The following MBNL1 variants were observed in gnomAD, a reference collection of about 807,000 sequenced individuals.
The protein encoded by MBNL1 is muscleblind like splicing regulator 1.
Under a neutral mutation model 42.2 loss-of-function variants are expected in MBNL1, and 8 were observed. The observed-to-expected ratio is 0.19, with a 90% CI of 0.11 to 0.34. The LOEUF (loss-of-function observed/expected upper bound fraction) is 0.34. Ranked by LOEUF, MBNL1 falls within the 10% of genes least tolerant of loss-of-function variation. The probability of loss-of-function intolerance (pLI) is 1.00; values close to 1 mark genes in which losing one functional copy is unlikely to be tolerated. For synonymous variants in MBNL1, 169 were observed against 173.9 expected (o/e 0.97, Z 0.22); for missense variants, 309 against 495.3 (o/e 0.62, Z 3.57).
chr3:152,356,719 T>G (rs1400426131), intron 2 of MBNL1, among the ~76,000 whole-genome samples: 1 of 152,116 alleles, frequency 6.6e-6, no homozygotes, highest in East Asian at 1.9e-4. Context: ...CTGCCCAAAG[T>G]GAGACCTCGG....
At chr3:152,387,897 GTAT>G (rs1414993374) in intron 2 of MBNL1, among the ~76,000 whole-genome samples, 5 of 152,138 alleles carry the variant, frequency 3.3e-5, no homozygotes, top group African/African-American at 1.2e-4. Flanking sequence ...GGATGAGATG[GTAT>G]TATTAATAAC....
At chr3:152,455,407 G>A in intron 6 of MBNL1, 135 bp from the exon 7 acceptor site, 1 of 714,294 alleles carries the variant, frequency 1.4e-6, no homozygotes. Flanking sequence ...TGTGCTGACA[G>A]TTACATGCCA....
At chr3:152,290,032 T>A (rs2054958645) in intron 1 of MBNL1, among the ~76,000 whole-genome samples, 1 of 152,074 alleles carries the variant, frequency 6.6e-6, no homozygotes, top group South Asian at 2.1e-4. Flanking sequence ...TTTCTATACT[T>A]TTTTTCATAA....
At position 152,300,289 on chromosome 3, in the gene MBNL1, G is replaced by A; in HGVS notation, c.96G>A (p.Thr32=). The A allele has an allele frequency of 6.2e-7, 1 of 1,613,880 alleles. No individual in the cohort carries two copies. The highest frequency in any genetic ancestry group is 8.5e-7 in the Non-Finnish European group (1 of 1,179,838). Reference sequence around the variant, plus strand: ...GGGGGACTTGCTCACGGCCAGACACGGAATGTAAATTTGCACATCCTTCGA... The same window carrying A: ...GGGGGACTTGCTCACGGCCAGACACAGAATGTAAATTTGCACATCCTTCGA... ...FQRGTCSRPD[T]ECKFAHPSKS... The change falls in exon 2 of 10, where the codon ACG becomes ACA. Residue 32 remains threonine, a synonymous_variant. Transcript: ENST00000324210.
intron 7 of MBNL1, among the ~76,000 whole-genome samples, 187 bp from the exon 8 acceptor site, chr3:152,456,080 C>T (rs1228157715): frequency 1.3e-5 from 2 of 151,922 alleles, no homozygotes; most frequent in Admixed American, 1.3e-4. Context: ...ATCCCTCCTC[C>T]CCTTCTCTCC....
chr3:152,294,536 G>A (rs1202889739), intron 1 of MBNL1, among the ~76,000 whole-genome samples: 3 of 151,820 alleles, frequency 2.0e-5, no homozygotes, highest in Non-Finnish European at 2.9e-5. Flanking sequence ...TGCCTGCCTC[G>A]GCCTCCCAAA....
chr3:152,443,253 G>T (rs78656683), intron 4 of MBNL1, among the ~76,000 whole-genome samples: 4 of 143,622 alleles, frequency 2.8e-5, no homozygotes, highest in Non-Finnish European at 6.0e-5. Flanking sequence ...CTTCTTTCTT[G>T]TTAATGCGGC....
chr3:152,363,904 C>T (rs1024541891), intron 2 of MBNL1, among the ~76,000 whole-genome samples: 9 of 152,002 alleles, frequency 5.9e-5, no homozygotes, highest in African/African-American at 2.2e-4. Flanking sequence ...TATAATAATC[C>T]TTATCAGATC....
chr3:152,444,381 C>T (rs1197745422), intron 4 of MBNL1, among the ~76,000 whole-genome samples: 1 of 152,054 alleles, frequency 6.6e-6, no homozygotes, highest in East Asian at 1.9e-4. Context: ...AACAAACAGA[C>T]ATAACAAAAC....
At chr3:152,243,735 G>C (rs1298430632), upstream of MBNL1, 1 of 152,158 alleles carries the variant, frequency 6.6e-6, no homozygotes, top group Non-Finnish European at 1.5e-5. Flanking sequence ...TGTTTTCTGT[G>C]ATCATTGAGC....
intron 2 of MBNL1, among the ~76,000 whole-genome samples, chr3:152,391,440 G>GT (rs2097713665): frequency 1.3e-5 from 2 of 152,134 alleles, no homozygotes; most frequent in South Asian, 2.1e-4. Context: ...CTATGTTTTC[G>GT]TTTTTTCTTC....
chr3:152,450,009 G>A (rs1263251157), intron 6 of MBNL1, among the ~76,000 whole-genome samples: 1 of 150,694 alleles, frequency 6.6e-6, no homozygotes, highest in Admixed American at 6.6e-5. Flanking sequence ...GGAGGTTGAG[G>A]CAGGAGAATC....
At chr3:152,378,202 C>T (rs1007400595) in intron 2 of MBNL1, among the ~76,000 whole-genome samples, 1 of 151,978 alleles carries the variant, frequency 6.6e-6, no homozygotes, top group African/African-American at 2.4e-5. Flanking sequence ...AAAAACAATT[C>T]ACTAGGTGTG....
At chr3:152,359,917 A>G (rs1456978168) in intron 2 of MBNL1, among the ~76,000 whole-genome samples, 2 of 152,226 alleles carry the variant, frequency 1.3e-5, no homozygotes, top group South Asian at 2.1e-4. Flanking sequence ...ACAAAGCACA[A>G]TAATACACAG....
intron 2 of MBNL1, among the ~76,000 whole-genome samples, chr3:152,396,865 C>G (rs891706445): frequency 6.6e-6 from 1 of 152,030 alleles, no homozygotes; most frequent in Non-Finnish European, 1.5e-5. Context: ...AAATGAAGTA[C>G]AAGAAATGGT....
intron 3 of MBNL1, among the ~76,000 whole-genome samples, chr3:152,427,619 A>G (rs1170392511): frequency 2.0e-5 from 3 of 152,092 alleles, no homozygotes; most frequent in Non-Finnish European, 4.4e-5. Flanking sequence ...AGCTTTTGGC[A>G]CTGTTTATAT....
At chr3:152,262,897 G>A (rs2036544798) in intron 2 of MBNL1, 1 of 152,066 alleles carries the variant, frequency 6.6e-6, no homozygotes, top group African/African-American at 2.4e-5. Context: ...TTTTATATCC[G>A]TTTAGTTTAT....
intron 1 of MBNL1, among the ~76,000 whole-genome samples, chr3:152,292,257 T>C (rs1481310684): frequency 6.6e-6 from 1 of 152,240 alleles, no homozygotes; most frequent in Non-Finnish European, 1.5e-5. Flanking sequence ...AATTCAAAAT[T>C]CACTTTTAAA....
chr3:152,429,461 C>G (rs1283232632), intron 3 of MBNL1, among the ~76,000 whole-genome samples: 2 of 152,184 alleles, frequency 1.3e-5, no homozygotes, highest in African/African-American at 4.8e-5. Context: ...ACTTACAAAT[C>G]ATTATCACAA....
Sources: allele counts gnomAD v4.1 joint callset (sites outside exome capture counted in the v4.1 genomes callset), GRCh38; gene constraint gnomAD v4.1.1; transcripts MANE v1.5; gene names NCBI Gene and HGNC (gene_info 2026-07-23, HGNC 2026-07-21).